Variants in SLC16A2 observed in about 807,000 individuals in gnomAD.
SLC16A2 encodes the protein monocarboxylate transporter 8.
In SLC16A2, 3 loss-of-function variants were observed where a neutral mutation model predicts 27.2. That is an observed-to-expected ratio of 0.11 (90% CI 0.05 to 0.28). The LOEUF is 0.28. SLC16A2 is among the 10% of genes least tolerant of loss of function. SLC16A2 has a pLI of 1.00. For missense variants in SLC16A2, 295 were observed against 458.5 expected (o/e 0.64, Z 3.26); for synonymous variants, 202 against 187.8 (o/e 1.08, Z -0.62).
chrX:74,521,436 C>G (rs901558315), intron 2 of SLC16A2, among the ~76,000 whole-genome samples: 3 of 112,318 alleles, frequency 2.7e-5, no homozygotes, highest in Admixed American at 9.4e-5. Context: ...GGCAATGGAA[C>G]AATTGATGAG....
rs2147870973 is a variant in SLC16A2, at chrX:74,525,736, G to A, written c.1027-14G>A. On this transcript the variant is annotated splice_polypyrimidine_tract_variant and intron_variant, in intron 3 of 5. Coordinates refer to ENST00000587091, the MANE Select transcript of SLC16A2 (RefSeq NM_006517.5). ...TCCTCCTGTTTCTGGGGATCCTTGT[G>A]CTATGCTTTTCAGATGAAGTATGTG... 8.3e-7 allele frequency: 1 copy of A among 1,211,478 alleles called. No homozygotes were observed. Among genetic ancestry groups the A allele is most frequent in the Non-Finnish European group, 1.1e-6 (1 of 895,239 alleles).
chrX:74,513,642 T>C (rs144858450), intron 1 of SLC16A2, among the ~76,000 whole-genome samples: 1,330 of 111,975 alleles, frequency 0.012, 12 homozygotes, highest in Non-Finnish European at 0.02. Context: ...CCTATCCCAC[T>C]AACAGTCCCT....
intron 1 of SLC16A2, among the ~76,000 whole-genome samples, chrX:74,462,357 T>C (rs887840431): frequency 8.9e-6 from 1 of 111,791 alleles, no homozygotes; most frequent in Non-Finnish European, 1.9e-5. Flanking sequence ...TCTCGCCCTG[T>C]CACCCAGGCT....
chrX:74,439,997 G>A (rs1195942399), intron 1 of SLC16A2, among the ~76,000 whole-genome samples: 1 of 111,555 alleles, frequency 9.0e-6, no homozygotes, highest in Non-Finnish European at 1.9e-5. Flanking sequence ...CTAGAAAATT[G>A]TTTTGCTTAT....
At chrX:74,483,923 A>G (rs1304060068) in intron 1 of SLC16A2, among the ~76,000 whole-genome samples, 1 of 111,005 alleles carries the variant, frequency 9.0e-6, no homozygotes, top group Non-Finnish European at 1.9e-5. Context: ...ACTTAAGTGG[A>G]ATAAAACTTC....
intron 1 of SLC16A2, among the ~76,000 whole-genome samples, chrX:74,446,272 T>C (rs762163137): frequency 9.0e-6 from 1 of 111,564 alleles, no homozygotes; most frequent in African/African-American, 3.3e-5. Flanking sequence ...GATAAATTTC[T>C]CACACATTGG....
chrX:74,501,677 G>A (rs765730513), intron 1 of SLC16A2, among the ~76,000 whole-genome samples: 4 of 111,355 alleles, frequency 3.6e-5, no homozygotes, highest in East Asian at 2.8e-4. Context: ...TGGAAAGTGC[G>A]TCTGGGGTAT....
chrX:74,429,981 T>C (rs911997976), intron 1 of SLC16A2, among the ~76,000 whole-genome samples: 8 of 112,255 alleles, frequency 7.1e-5, no homozygotes, highest in Non-Finnish European at 1.5e-4. Context: ...TGATGGCTGC[T>C]CTGCTGCATT....
At chrX:74,527,027 C>A (rs1213790308) in intron 4 of SLC16A2, among the ~76,000 whole-genome samples, 3 of 112,150 alleles carry the variant, frequency 2.7e-5, no homozygotes, top group Admixed American at 9.4e-5. Context: ...GAGGCAGCAG[C>A]CCCTGCCTAG....
At chrX:74,451,156 A>G (rs1377150895) in intron 1 of SLC16A2, among the ~76,000 whole-genome samples, 2 of 112,172 alleles carry the variant, frequency 1.8e-5, no homozygotes, top group Non-Finnish European at 3.8e-5. Flanking sequence ...AAAATATGTA[A>G]CCAGTAGAAA....
At chrX:74,506,340 C>T (rs1443545162) in intron 1 of SLC16A2, among the ~76,000 whole-genome samples, 1 of 111,880 alleles carries the variant, frequency 8.9e-6, no homozygotes. Flanking sequence ...GGCCTCATGT[C>T]TTCATCTGTA....
At chrX:74,477,140 A>T (rs1013723665) in intron 1 of SLC16A2, 16 of 111,871 alleles carry the variant, frequency 1.4e-4, no homozygotes, top group African/African-American at 4.9e-4. Context: ...GCTATTAATT[A>T]TTGCCTCATT....
chrX:74,461,897 G>A (rs1046284629), intron 1 of SLC16A2, among the ~76,000 whole-genome samples: 5 of 111,549 alleles, frequency 4.5e-5, no homozygotes, highest in African/African-American at 1.6e-4. Flanking sequence ...AGAGAGGCCA[G>A]GATGCTTTGT....
intron 1 of SLC16A2, among the ~76,000 whole-genome samples, chrX:74,496,287 C>T (rs1929935527): frequency 1.0e-5 from 1 of 95,977 alleles, no homozygotes; most frequent in Admixed American, 1.1e-4. Context: ...CACACACACA[C>T]ACACACACCC....
chrX:74,459,247 T>TATATATACACACACACATA (rs771637315), intron 1 of SLC16A2, among the ~76,000 whole-genome samples: 1 of 99,315 alleles, frequency 1.0e-5, no homozygotes, highest in Admixed American at 1.2e-4. Context: ...TATATATATC[T>TATATATACACACACACATA]CACAAGTGTT....
intron 1 of SLC16A2, among the ~76,000 whole-genome samples, chrX:74,434,223 TA>T (rs1045149740): frequency 1.9e-4 from 21 of 110,564 alleles, no homozygotes; most frequent in Middle Eastern, 4.7e-3. Context: ...GCTAAGTAGT[TA>T]AAAAAAAAGT....
At chrX:74,468,963 C>G (rs1342737027) in intron 1 of SLC16A2, among the ~76,000 whole-genome samples, 1 of 111,609 alleles carries the variant, frequency 9.0e-6, no homozygotes, top group East Asian at 2.8e-4. Flanking sequence ...GCCAACCCTT[C>G]TTTATCCCCC....
chrX:74,428,627 C>T (rs774144811), intron 1 of SLC16A2, among the ~76,000 whole-genome samples: 21 of 111,028 alleles, frequency 1.9e-4, no homozygotes, highest in Non-Finnish European at 3.0e-4. Flanking sequence ...TCCCTTCCCC[C>T]TTTCCCCTTC....
At chrX:74,523,119 A>T (rs1483163592) in intron 2 of SLC16A2, among the ~76,000 whole-genome samples, 4 of 112,445 alleles carry the variant, frequency 3.6e-5, no homozygotes, top group African/African-American at 1.3e-4. Context: ...AGCCAGGCCG[A>T]TCCCATAGGG....
Sources: gnomAD v4.1 joint callset for allele counts (sites outside exome capture counted in the v4.1 genomes callset) on GRCh38, gnomAD v4.1.1 for gene constraint, MANE v1.5 for transcripts, NCBI Gene and HGNC (gene_info 2026-07-23, HGNC 2026-07-21) for gene names.